Variants in C18orf54 observed in about 807,000 individuals in gnomAD.
C18orf54 encodes the protein lung adenoma susceptibility protein 2.
A neutral mutation model predicts 49.3 loss-of-function variants in C18orf54; 49 were observed. The ratio of observed to expected loss-of-function variants is 0.99; its 90% CI spans 0.79 to 1.26. C18orf54 has a LOEUF of 1.26. Ranked by LOEUF, C18orf54 falls within the 50% of genes most tolerant of loss-of-function variation. C18orf54 has a pLI of 0.00. For synonymous variants in C18orf54, 211 were observed against 216.6 expected, an observed-to-expected ratio of 0.97 and a Z score of 0.23; for missense variants, 687 against 620.6, an observed-to-expected ratio of 1.11 and a Z score of -1.14.
At chr18:54,361,609 T>C in intron 3 of C18orf54, 34 bp from the exon 4 acceptor site, 4 of 1,501,052 alleles carry the variant, frequency 2.7e-6, no homozygotes, top group Non-Finnish European at 3.6e-6. Flanking sequence ...AAAATATTTG[T>C]ATGTAATAAA....
At chr18:54,371,683 A>C (rs8097231) in intron 6 of C18orf54, among the ~76,000 whole-genome samples, 113,154 of 151,980 alleles carry the variant, frequency 0.74, 42,549 homozygotes, top group African/African-American at 0.86. Flanking sequence ...CCTTGAGTAT[A>C]TTATGCTAAT....
intron 6 of C18orf54, among the ~76,000 whole-genome samples, chr18:54,369,651 T>C (rs1172488347): frequency 6.6e-6 from 1 of 151,948 alleles, no homozygotes; most frequent in East Asian, 1.9e-4. Context: ...GTATTTTTAG[T>C]AGAGGCAGGG....
Position 54,361,892 on chromosome 18 carries a change from G to T in C18orf54, c.533G>T (p.Gly178Val), listed in dbSNP as rs200527310. The change falls in exon 4 of 9, where the codon GGC becomes GTC. Residue 178 changes from glycine (G) to valine (V), a missense_variant. Coordinates refer to ENST00000620105, the MANE Select transcript of C18orf54 (RefSeq NM_001288980.2). ...PHFQGPYTSMGKDNFVTPVIR... is the reference protein window; with the variant it reads ...PHFQGPYTSMVKDNFVTPVIR... ...TTTCAAGGACCCTACACTTCCATGG[G>T]CAAGGATAACTTTGTTACTCCTGTT... is the stretch of plus-strand genomic sequence containing the variant. 371 of 1,614,104 alleles carry T rather than the reference G, an allele frequency of 2.3e-4. 6 individuals are homozygous for T. The East Asian group carries it at 5.7e-3, about 25-fold the overall frequency.
rs1352223929 is a variant in C18orf54, at chr18:54,381,573, A to C, written c.*3327A>C. 6.6e-6 allele frequency: 1 copy of C among 152,130 alleles called. No individual in the cohort carries two copies. Among genetic ancestry groups the C allele is most frequent in the African/African-American group, 2.4e-5 (1 of 41,412 alleles). 9.4% of individuals were successfully genotyped at this position (152,130 alleles called of 1,614,324 possible). On this transcript the variant is annotated 3_prime_UTR_variant, in exon 9 of 9. Coordinates refer to ENST00000620105, the MANE Select transcript of C18orf54 (RefSeq NM_001288980.2). ...AAATTGCTTTACTCAGATTCCCCCA[A>C]ACTTTATATGTGTATTGTCATCTTT...
At position 54,378,535 on chromosome 18, in the gene C18orf54, T is replaced by A. The variant is rs1406790026; in HGVS notation, c.*289T>A. ...GTCTAATATTTAAAGATGGATGACT[T>A]CTGTTCTTGAAGCTTACCTGGATTT... On this transcript the variant is annotated 3_prime_UTR_variant, in exon 9 of 9. Coordinates refer to ENST00000620105, the MANE Select transcript of C18orf54 (RefSeq NM_001288980.2). 4.9e-6 allele frequency: 1 copy of A among 205,314 alleles called. No individual in the cohort carries two copies. Among genetic ancestry groups the A allele is most frequent in the Admixed American group, 5.9e-5 (1 of 16,994 alleles). The allele number at this position is 205,314 out of a possible 1,614,324, so 12.7% of individuals were successfully genotyped here. A position where few individuals can be genotyped will look rare whatever the true frequency, so the allele number is the denominator to read the frequency against.
At position 54,361,861 on chromosome 18, in the gene C18orf54, C is replaced by A. The variant is rs199505068; in HGVS notation, c.502C>A (p.Pro168Thr). The A allele has an allele frequency of 5.3e-5, 86 of 1,613,986 alleles. No individual in the cohort carries two copies. In the South Asian group the frequency reaches 5.5e-4, roughly 10 times the overall value. Residue 168 changes from proline (P) to threonine (T), a missense_variant, in exon 4 of 9, where the codon CCA (proline) becomes ACA (threonine). Transcript: ENST00000620105. ...GGGTTCATTGGACATTGAGAAGAAT[C>A]CACATTTTCAAGGACCCTACACTTC... ...RLGSLDIEKN[P>T]HFQGPYTSMG...
rs2089679146 is a variant in C18orf54, at chr18:54,381,839, A to G, written c.*3593A>G. Reference sequence around the variant, plus strand: ...CTATGTTGTATTCCTAGACAAGGAAATGTATATCAAAATATGTTAGATGAT... The same window carrying G: ...CTATGTTGTATTCCTAGACAAGGAAGTGTATATCAAAATATGTTAGATGAT... On this transcript the variant is annotated 3_prime_UTR_variant, in exon 9 of 9. Transcript: ENST00000620105. 6.6e-6 allele frequency: 1 copy of G among 152,202 alleles called. No homozygotes were observed. The highest frequency in any genetic ancestry group is 2.4e-5 in the African/African-American group (1 of 41,460). The allele number at this position is 152,202 out of a possible 1,614,324, so 9.4% of individuals were successfully genotyped here.
chr18:54,381,599 G>T lies in C18orf54; in HGVS notation c.*3353G>T, dbSNP rs1398367376. 6.6e-6 allele frequency: 1 copy of T among 152,074 alleles called. No individual in the cohort carries two copies. The highest frequency in any genetic ancestry group is 2.4e-5 in the African/African-American group (1 of 41,404). 9.4% of individuals were successfully genotyped at this position (152,074 alleles called of 1,614,324 possible). On this transcript the variant is annotated 3_prime_UTR_variant, in exon 9 of 9. Coordinates refer to ENST00000620105, the MANE Select transcript of C18orf54 (RefSeq NM_001288980.2). ...ACTTTATATGTGTATTGTCATCTTTGTGCATATTATTTCTCATGCATGAAA... is the reference window on the plus strand; with the variant it reads ...ACTTTATATGTGTATTGTCATCTTTTTGCATATTATTTCTCATGCATGAAA...
At chr18:54,378,054 A>G in intron 8 of C18orf54, 120 bp from the exon 9 acceptor site, 1 of 549,022 alleles carries the variant, frequency 1.8e-6, no homozygotes, top group Non-Finnish European at 3.0e-6. Flanking sequence ...GTTTATATAA[A>G]TTTACTTCTC....
intron 5 of C18orf54, among the ~76,000 whole-genome samples, chr18:54,365,495 A>C (rs1451206229): frequency 6.6e-6 from 1 of 151,948 alleles, no homozygotes; most frequent in African/African-American, 2.4e-5. Flanking sequence ...GTGTTTTCTT[A>C]AAGCTTGAAG....
intron 6 of C18orf54, among the ~76,000 whole-genome samples, chr18:54,366,300 C>G (rs1341577566): frequency 6.6e-6 from 1 of 151,874 alleles, no homozygotes; most frequent in African/African-American, 2.4e-5. Flanking sequence ...CCTACCTTTC[C>G]CAGTCTCCGG....
In C18orf54 at chr18:54,362,244, G is replaced by A; in HGVS notation, c.885G>A (p.Gln295=). 1 of 1,536,442 alleles carries A rather than the reference G, an allele frequency of 6.5e-7. No individual in the cohort carries two copies. Among genetic ancestry groups the A allele is most frequent in the Non-Finnish European group, 8.7e-7 (1 of 1,146,942 alleles). The change falls in exon 4 of 9, where the codon CAG becomes CAA. Residue 295 remains glutamine, a synonymous_variant. Transcript: ENST00000620105. ...AGTGTTCCCCTAGACATAGTCATCA[G>A]GCACAAGGAACTTCTCGGCTTATCA... ...DDQCSPRHSH[Q]AQGTSRLINK...
rs1003189440 is a variant in C18orf54 at position 54,360,870 on chromosome 18, T to C, written c.283+15T>C. 14 of 1,594,616 alleles carry C rather than the reference T, an allele frequency of 8.8e-6. No individual in the cohort carries two copies. Among genetic ancestry groups the C allele is most frequent in the Non-Finnish European group, 1.1e-5 (13 of 1,167,842 alleles). Reference sequence around the variant, plus strand: ...ACCAAACAATGGTATGCTTTTATTCTTTGTTTTCTTTGTGTTCAGATGTTT... The same window carrying C: ...ACCAAACAATGGTATGCTTTTATTCCTTGTTTTCTTTGTGTTCAGATGTTT... On this transcript the variant is annotated intron_variant, in intron 3 of 8. Transcript: ENST00000620105.
chr18:54,375,232 GA>G (rs1291202148), intron 8 of C18orf54, among the ~76,000 whole-genome samples: 4 of 151,766 alleles, frequency 2.6e-5, no homozygotes, highest in African/African-American at 9.7e-5. Context: ...AAGTGCTATT[GA>G]ATATAATTCA....
Position 54,362,881 on chromosome 18 carries a change from C to G in C18orf54, c.1183C>G (p.Leu395Val). ...KDDSPCSLDK[L>V]EADRSWENIP... ...TGACAGTCCTTGCTCATTAGATAAA[C>G]TTGAAGCAGACAGATCATGGGAAAA... The change falls in exon 5 of 9, where the codon CTT becomes GTT. Residue 395 changes from leucine to valine, a missense_variant. Physicochemically the swap from Leu to Val is conservative, Grantham distance 32. Coordinates refer to ENST00000620105, the MANE Select transcript of C18orf54 (RefSeq NM_001288980.2). The G allele has an allele frequency of 6.2e-7, 1 of 1,611,446 alleles. No individual in the cohort carries two copies. Among genetic ancestry groups the G allele is most frequent in the East Asian group, 2.2e-5 (1 of 44,676 alleles).
Position 54,372,531 on chromosome 18 carries a change from C to A in C18orf54, c.1392C>A (p.Asn464Lys), listed in dbSNP as rs112449449. The change falls in exon 7 of 9, where the codon AAC becomes AAA. Residue 464 changes from asparagine (N) to lysine (K), a missense_variant. Asn to Lys is a moderately conservative substitution (Grantham distance 94, BLOSUM62 0). Transcript: ENST00000620105. Reference protein sequence around the residue: ...PVEALKQMLFNLQAVQERFNQ... With the variant: ...PVEALKQMLFKLQAVQERFNQ... ...AAGCCCTGAAACAAATGTTATTTAA[C>A]CTTCAAGCAGTACAAGAACGTTTTA... The A allele has an allele frequency of 1.9e-6, 3 of 1,610,928 alleles. No individual in the cohort carries two copies.
At chr18:54,368,300 A>G (rs985193475) in intron 6 of C18orf54, among the ~76,000 whole-genome samples, 17 of 151,054 alleles carry the variant, frequency 1.1e-4, no homozygotes, top group African/African-American at 2.7e-4. Flanking sequence ...TTTCTGAATT[A>G]TTTTCTGTGT....
At chr18:54,368,827 CTT>C (rs2089434837) in intron 6 of C18orf54, among the ~76,000 whole-genome samples, 1 of 151,986 alleles carries the variant, frequency 6.6e-6, no homozygotes. Flanking sequence ...GAAAAACTAT[CTT>C]TATATTTGTT....
rs2089303344 is a variant in C18orf54 at position 54,363,004 on chromosome 18, G to A, written c.1223+83G>A. The A allele has an allele frequency of 6.1e-6, 8 of 1,308,078 alleles. No individual in the cohort carries two copies. The South Asian group carries it at 7.1e-5, about 12-fold the overall frequency. The allele number at this position is 1,308,078 out of a possible 1,614,324, so 81.0% of individuals were successfully genotyped here. A position where few individuals can be genotyped will look rare whatever the true frequency, so the allele number is the denominator to read the frequency against. ...ATATCTGATTTATATTTAAACGAAC[G>A]GTAATTAATAATATTGTAACTCCAT... On this transcript the variant is annotated intron_variant, in intron 5 of 8. Transcript: ENST00000620105.
Sources: allele counts gnomAD v4.1 joint callset (sites outside exome capture counted in the v4.1 genomes callset), GRCh38; gene constraint gnomAD v4.1.1; transcripts MANE v1.5; gene names NCBI Gene and HGNC (gene_info 2026-07-23, HGNC 2026-07-21).